The following PCSK2 variants were observed in gnomAD, a reference collection of about 807,000 sequenced individuals.
PCSK2 encodes proprotein convertase subtilisin/kexin type 2, also known as neuroendocrine convertase 2.
Under a neutral mutation model 69.7 loss-of-function variants are expected in PCSK2, and 14 were observed. The observed-to-expected ratio is 0.20, with a 90% CI of 0.13 to 0.31. The LOEUF (loss-of-function observed/expected upper bound fraction) is 0.31, where lower values mean the gene tolerates loss of function less well. Ranked by LOEUF, PCSK2 falls within the 10% of genes least tolerant of loss-of-function variation. The pLI is 1.00. For synonymous variants in PCSK2, 307 were observed against 320.7 expected (o/e 0.96, Z 0.46); for missense variants, 544 against 842.5 (o/e 0.65, Z 4.39).
intron 2 of PCSK2, among the ~76,000 whole-genome samples, chr20:17,290,037 T>C (rs1374378246): frequency 6.6e-6 from 1 of 152,272 alleles, no homozygotes; most frequent in Admixed American, 6.5e-5. Flanking sequence ...GAGGGTATTA[T>C]TAGCATTTTT....
At chr20:17,424,581 C>T (rs899627950) in intron 6 of PCSK2, among the ~76,000 whole-genome samples, 1 of 152,102 alleles carries the variant, frequency 6.6e-6, no homozygotes, top group Non-Finnish European at 1.5e-5. Flanking sequence ...TGACCTCCGC[C>T]TCTCTGGTTC....
chr20:17,229,355 A>G (rs1278988931), intron 1 of PCSK2, among the ~76,000 whole-genome samples: 1 of 151,028 alleles, frequency 6.6e-6, no homozygotes, highest in East Asian at 2.0e-4. Context: ...GATAAGTTGA[A>G]AAGGGATTTT....
At chr20:17,379,726 T>C (rs918711138) in intron 5 of PCSK2, among the ~76,000 whole-genome samples, 3 of 152,188 alleles carry the variant, frequency 2.0e-5, no homozygotes, top group Non-Finnish European at 4.4e-5. Context: ...TACAATTAGG[T>C]TATTAGATTG....
intron 2 of PCSK2, among the ~76,000 whole-genome samples, chr20:17,331,242 T>C (rs1279857930): frequency 6.6e-6 from 1 of 152,236 alleles, no homozygotes; most frequent in Non-Finnish European, 1.5e-5. Flanking sequence ...TCATAAAGTA[T>C]GTAAAAGAAT....
At chr20:17,260,483 A>C in intron 2 of PCSK2, 139 bp downstream of exon 2, 1 of 634,902 alleles carries the variant, frequency 1.6e-6, no homozygotes. Context: ...TGCTTTGCAG[A>C]GTCATATCAG....
rs73255654 is a variant in PCSK2, at chr20:17,364,649, A to G, written c.505+4009A>G. On this transcript the variant is annotated intron_variant, in intron 4 of 11. Coordinates refer to ENST00000262545, the MANE Select transcript of PCSK2 (RefSeq NM_002594.5). ...AATTATCCCCCACCGGGTCCCCCCA[A>G]CAAGATGAGATCTGGGGGAGGACAC... Among the ~76,000 whole-genome samples the G allele has an allele frequency of 2.9e-3, 443 of 152,318 alleles. 2 individuals are homozygous for G. Among genetic ancestry groups the G allele is most frequent in the African/African-American group, 0.01 (425 of 41,552 alleles).
chr20:17,411,043 A>G lies in PCSK2; in HGVS notation c.620+1704A>G, dbSNP rs148759285. 1.4e-4 allele frequency among the ~76,000 whole-genome samples: 21 copies of G among 152,334 alleles called. No homozygotes were observed. The East Asian group carries it at 3.9e-3, about 28-fold the overall frequency. Reference sequence around the variant, plus strand: ...CAATCTCATTTTCTGAACCCAAACAAAATCTACCCTAGTCAAATCTTCCTG... The same window carrying G: ...CAATCTCATTTTCTGAACCCAAACAGAATCTACCCTAGTCAAATCTTCCTG... On this transcript the variant is annotated intron_variant, in intron 6 of 11. Coordinates refer to ENST00000262545, the MANE Select transcript of PCSK2 (RefSeq NM_002594.5).
chr20:17,402,335 G>A (rs189833096), intron 5 of PCSK2, among the ~76,000 whole-genome samples: 20 of 152,332 alleles, frequency 1.3e-4, no homozygotes, highest in Admixed American at 6.5e-4. Flanking sequence ...TGCTGATAAT[G>A]GTGGCAATGA....
At chr20:17,373,082 G>T (rs1162437627) in intron 5 of PCSK2, among the ~76,000 whole-genome samples, 1 of 152,122 alleles carries the variant, frequency 6.6e-6, no homozygotes, top group African/African-American at 2.4e-5. Flanking sequence ...TGAGAGAGAG[G>T]TACTTGGTGG....
At chr20:17,255,826 G>GA (rs1474810254) in intron 1 of PCSK2, among the ~76,000 whole-genome samples, 1 of 152,192 alleles carries the variant, frequency 6.6e-6, no homozygotes, top group East Asian at 1.9e-4. Context: ...TGGTTATGAT[G>GA]AAAATCCTTT....
intron 8 of PCSK2, among the ~76,000 whole-genome samples, chr20:17,446,579 C>T (rs1228393314): frequency 1.3e-5 from 2 of 152,228 alleles, no homozygotes; most frequent in East Asian, 1.9e-4. Context: ...CAATGTGTAC[C>T]GAAACAGTTA....
intron 2 of PCSK2, among the ~76,000 whole-genome samples, chr20:17,274,781 G>A (rs1246897953): frequency 6.6e-6 from 1 of 152,030 alleles, no homozygotes; most frequent in Non-Finnish European, 1.5e-5. Context: ...TTAGTATGTG[G>A]TGTAATTTAT....
At position 17,311,081 on chromosome 20, in the gene PCSK2, T is replaced by C. The variant is rs559258266; in HGVS notation, c.283-47246T>C. On this transcript the variant is annotated intron_variant, in intron 2 of 11. Coordinates refer to ENST00000262545, the MANE Select transcript of PCSK2 (RefSeq NM_002594.5). ...AGAAAGGGTAAAAAATGTTTTTTAA[T>C]TAGAAAGATCAACAACTAGAGTAGT... is the stretch of plus-strand genomic sequence containing the variant. Among the ~76,000 whole-genome samples the C allele has an allele frequency of 9.2e-5, 14 of 151,906 alleles. No individual in the cohort carries two copies. The South Asian group carries it at 2.9e-3, about 32-fold the overall frequency.
chr20:17,481,533 T>A, intron 11 of PCSK2, 51 bp from the exon 12 acceptor site: 1 of 1,567,938 alleles, frequency 6.4e-7, no homozygotes, highest in Non-Finnish European at 8.7e-7. Flanking sequence ...AAATCCCTTG[T>A]AAGGTGCACC....
chr20:17,453,627 C>A lies in PCSK2; in HGVS notation c.886-115C>A. 1 of 1,060,530 alleles carries A rather than the reference C, an allele frequency of 9.4e-7. No individual in the cohort carries two copies. The highest frequency in any genetic ancestry group is 1.4e-6 in the Non-Finnish European group (1 of 735,254). The allele number at this position is 1,060,530 out of a possible 1,614,324, so 65.7% of individuals were successfully genotyped here. A position where few individuals can be genotyped will look rare whatever the true frequency, so the allele number is the denominator to read the frequency against. On this transcript the variant is annotated intron_variant, in intron 8 of 11. Transcript: ENST00000262545. The surrounding 1 kb of genome is among the most constrained non-coding windows in gnomAD (Gnocchi z 4.0). ...GGTGTCCAACCCAGTTTAAAAAGTGCACCCAGTCTTTAGGTTCAACTGCTG... is the reference window on the plus strand; with the variant it reads ...GGTGTCCAACCCAGTTTAAAAAGTGAACCCAGTCTTTAGGTTCAACTGCTG...
Position 17,431,465 on chromosome 20 carries a change from A to C in PCSK2, c.709+1942A>C, listed in dbSNP as rs150407068. ...CCTCGCCTGCTGAATGCAGCCTGAC[A>C]CCTCAAAGACGCGACTGGGCTTCTG... On this transcript the variant is annotated intron_variant, in intron 7 of 11. Transcript: ENST00000262545. Among the ~76,000 whole-genome samples the C allele has an allele frequency of 5.5e-3, 844 of 152,246 alleles. 8 individuals are homozygous for C. Among genetic ancestry groups the C allele is most frequent in the East Asian group, 0.029 (150 of 5,178 alleles).
At chr20:17,238,262 G>T (rs1986418574) in intron 1 of PCSK2, among the ~76,000 whole-genome samples, 1 of 140,910 alleles carries the variant, frequency 7.1e-6, no homozygotes, top group South Asian at 2.3e-4. Flanking sequence ...AGGTATTTAT[G>T]AATTAATAAT....
chr20:17,249,985 A>G (rs1191086435), intron 1 of PCSK2, among the ~76,000 whole-genome samples: 1 of 152,204 alleles, frequency 6.6e-6, no homozygotes, highest in Non-Finnish European at 1.5e-5. Flanking sequence ...ATTAAAATTG[A>G]AAAGTTGATG....
chr20:17,465,088 A>G, intron 10 of PCSK2: 1 of 554,480 alleles, frequency 1.8e-6, no homozygotes, highest in Non-Finnish European at 3.2e-6. Context: ...GTGTTAGAAT[A>G]GACTTTTGAA....
Sources: gnomAD v4.1 joint callset for allele counts (sites outside exome capture counted in the v4.1 genomes callset) on GRCh38, gnomAD v4.1.1 for gene constraint, Gnocchi (gnomAD v3.1) non-coding constraint, MANE v1.5 for transcripts, NCBI Gene and HGNC (gene_info 2026-07-23, HGNC 2026-07-21) for gene names.